Variants in SLAIN2 observed in about 807,000 individuals in gnomAD.
SLAIN2 encodes the protein SLAIN family member 2, also known as SLAIN motif-containing protein 2.
SLAIN2 carries 31 observed loss-of-function variants against 56.6 expected under a neutral mutation model. The observed-to-expected ratio is 0.55, with a 90% CI of 0.41 to 0.74. The LOEUF is 0.74. SLAIN2 is among the 30% of genes least tolerant of loss of function. SLAIN2 has a pLI of 0.00. For synonymous variants in SLAIN2, 317 were observed against 284.9 expected (o/e 1.11, Z -1.13); for missense variants, 777 against 754.2 (o/e 1.03, Z -0.35).
At chr4:48,390,228 C>T (rs1354610122) in intron 6 of SLAIN2, among the ~76,000 whole-genome samples, 1 of 151,922 alleles carries the variant, frequency 6.6e-6, no homozygotes, top group Non-Finnish European at 1.5e-5. Flanking sequence ...CAGGCACGCA[C>T]CACCATGCCT....
rs1241669628 is a variant in SLAIN2, at chr4:48,425,794, A to G, written c.*3717A>G. 6.6e-6 allele frequency: 1 copy of G among 152,180 alleles called. No individual in the cohort carries two copies. Among genetic ancestry groups the G allele is most frequent in the Non-Finnish European group, 1.5e-5 (1 of 68,012 alleles). The allele number at this position is 152,180 out of a possible 1,614,324, so 9.4% of individuals were successfully genotyped here. On this transcript the variant is annotated 3_prime_UTR_variant, in exon 8 of 8. Transcript: ENST00000264313. ...TGATGTATTTTGAATGATCCTAAAT[A>G]TAAGTCTTGGGTGGCTAAATGGCCC...
chr4:48,363,989 C>T (rs1350530711), intron 1 of SLAIN2, among the ~76,000 whole-genome samples: 5 of 124,194 alleles, frequency 4.0e-5, no homozygotes, highest in Admixed American at 7.4e-5. Flanking sequence ...CCCCCCACCT[C>T]CCTCCCGGAC....
rs530722711 is a variant in SLAIN2 at position 48,354,990 on chromosome 4, C to T, written c.389+12862C>T. On this transcript the variant is annotated intron_variant, in intron 1 of 7. Coordinates refer to ENST00000264313, the MANE Select transcript of SLAIN2 (RefSeq NM_020846.2). ...TATCAGCTCACTGCAACCTCCGCCT[C>T]CCGATTTCAAGCGATTCTCCTGCAG... Among the ~76,000 whole-genome samples the T allele has an allele frequency of 2.2e-4, 34 of 152,162 alleles. 1 individual carries two copies. The South Asian group carries it at 3.5e-3, about 16-fold the overall frequency.
chr4:48,386,450 T>C (rs1326949830), intron 6 of SLAIN2, among the ~76,000 whole-genome samples: 1 of 152,224 alleles, frequency 6.6e-6, no homozygotes, highest in East Asian at 1.9e-4. Context: ...TTGTCACATC[T>C]ATGGTTTAGA....
chr4:48,341,985 C>T lies in SLAIN2; in HGVS notation c.246C>T (p.Gly82=), dbSNP rs1453463981. 9 of 1,428,774 alleles carry T rather than the reference C, an allele frequency of 6.3e-6. 1 individual carries two copies. In the South Asian group the frequency reaches 1.4e-4, roughly 21 times the overall value. 88.5% of individuals were successfully genotyped at this position (1,428,774 alleles called of 1,614,324 possible). Residue 82 remains glycine, a synonymous_variant, in exon 1 of 8, where the codon GGC becomes GGT. Coordinates refer to ENST00000264313, the MANE Select transcript of SLAIN2 (RefSeq NM_020846.2). ...SAKSGGGPGS[G]PRRTSSEELR... is the part of the protein sequence containing the mutation. Reference sequence around the variant, plus strand: ...AGTCGGGCGGCGGGCCCGGGTCGGGCCCGAGGCGGACGAGTAGCGAAGAGC... The same window carrying T: ...AGTCGGGCGGCGGGCCCGGGTCGGGTCCGAGGCGGACGAGTAGCGAAGAGC...
At position 48,402,273 on chromosome 4, in the gene SLAIN2, G is replaced by A. The variant is rs574657026; in HGVS notation, c.1361-17852G>A. Among the ~76,000 whole-genome samples, 11 of 151,382 alleles carry A rather than the reference G, an allele frequency of 7.3e-5. No individual in the cohort carries two copies. The East Asian group carries it at 1.7e-3, about 24-fold the overall frequency. ...TGTGTCTTTGGGTTGGTCTTCTTGCGGAGTATCTTACTAGGGTTCTCTGGA... is the reference window on the plus strand; with the variant it reads ...TGTGTCTTTGGGTTGGTCTTCTTGCAGAGTATCTTACTAGGGTTCTCTGGA... On this transcript the variant is annotated intron_variant, in intron 6 of 7. Coordinates refer to ENST00000264313, the MANE Select transcript of SLAIN2 (RefSeq NM_020846.2).
chr4:48,420,279 G>A lies in SLAIN2; in HGVS notation c.1515G>A (p.Met505Ile), dbSNP rs1307946906. 1 of 1,613,876 alleles carries A rather than the reference G, an allele frequency of 6.2e-7. No homozygotes were observed. Among genetic ancestry groups the A allele is most frequent in the Admixed American group, 1.7e-5 (1 of 59,998 alleles). The part of the protein sequence containing the change: ...TQTTSSPGPP[M>I]VQSTVSANPP... ...CCACCTCCTCACCTGGGCCTCCTAT[G>A]GTTCAGAGCACAGTCTCAGCAAATC... Residue 505 changes from methionine (M) to isoleucine (I), a missense_variant, in exon 7 of 8, where the codon ATG (methionine) becomes ATA (isoleucine). Coordinates refer to ENST00000264313, the MANE Select transcript of SLAIN2 (RefSeq NM_020846.2).
rs902037300 is a variant in SLAIN2 at position 48,341,556 on chromosome 4, G to C, written c.-184G>C. On this transcript the variant is annotated 5_prime_UTR_variant, in exon 1 of 8. Coordinates refer to ENST00000264313, the MANE Select transcript of SLAIN2 (RefSeq NM_020846.2). The stretch of plus-strand genomic sequence containing the variant: ...TCCCGGAGCCGGCGCAGATGAGGCA[G>C]TTCGGCTGGGGCCAGCGGCGCTTTG... The C allele has an allele frequency of 3.3e-6, 3 of 897,630 alleles. No individual in the cohort carries two copies. Among genetic ancestry groups the C allele is most frequent in the Non-Finnish European group, 4.6e-6 (3 of 646,436 alleles). 55.6% of individuals were successfully genotyped at this position (897,630 alleles called of 1,614,324 possible).
At chr4:48,352,905 GT>G (rs1168844698) in intron 1 of SLAIN2, among the ~76,000 whole-genome samples, 1 of 152,094 alleles carries the variant, frequency 6.6e-6, no homozygotes, top group Non-Finnish European at 1.5e-5. Context: ...CTCATGGGGC[GT>G]TTTCCCCTAT....
At chr4:48,413,649 A>G (rs898616873) in intron 6 of SLAIN2, among the ~76,000 whole-genome samples, 3 of 152,206 alleles carry the variant, frequency 2.0e-5, no homozygotes, top group African/African-American at 4.8e-5. Context: ...ATTTGTTAAT[A>G]ATGGAATTCA....
rs1008824417 is a variant in SLAIN2 at position 48,423,992 on chromosome 4, C to CAA, written c.*1920_*1921dup. The CAA allele has an allele frequency of 6.6e-6, 1 of 151,958 alleles. No homozygotes were observed. The highest frequency in any genetic ancestry group is 2.4e-5 in the African/African-American group (1 of 41,390). The allele number at this position is 151,958 out of a possible 1,614,324, so 9.4% of individuals were successfully genotyped here. A position where few individuals can be genotyped will look rare whatever the true frequency, so the allele number is the denominator to read the frequency against. On this transcript the variant is annotated 3_prime_UTR_variant, in exon 8 of 8. Transcript: ENST00000264313. ...AGTCTCAGTTTTCAGTGCAACATTT[C>CAA]AAAAAATATATATGCTGCAATCTAA...
At chr4:48,419,819 C>A (rs1717099557) in intron 6 of SLAIN2, among the ~76,000 whole-genome samples, 1 of 152,308 alleles carries the variant, frequency 6.6e-6, no homozygotes, top group Non-Finnish European at 1.5e-5. Flanking sequence ...ATGTGGCCCA[C>A]ATTAGTTGCT....
At chr4:48,413,817 C>T (rs922949293) in intron 6 of SLAIN2, among the ~76,000 whole-genome samples, 1 of 152,112 alleles carries the variant, frequency 6.6e-6, no homozygotes, top group African/African-American at 2.4e-5. Context: ...TCTGTGAAGA[C>T]AACTTGGAAT....
intron 6 of SLAIN2, among the ~76,000 whole-genome samples, chr4:48,392,256 TG>T (rs1716253102): frequency 6.6e-6 from 1 of 152,216 alleles, no homozygotes; most frequent in Non-Finnish European, 1.5e-5. Context: ...TGCCTGATTC[TG>T]TGTGTAATCT....
At chr4:48,364,886 G>C (rs543907092) in intron 1 of SLAIN2, among the ~76,000 whole-genome samples, 1 of 144,218 alleles carries the variant, frequency 6.9e-6, no homozygotes, top group Non-Finnish European at 1.5e-5. Flanking sequence ...GAGGGGGAGG[G>C]GGAGGGGGAG....
intron 6 of SLAIN2, among the ~76,000 whole-genome samples, chr4:48,407,247 G>T (rs1227005350): frequency 1.3e-5 from 2 of 151,700 alleles, no homozygotes; most frequent in African/African-American, 4.8e-5. Context: ...TGTGTATATT[G>T]ACTCTTATGT....
At chr4:48,368,047 G>T (rs1228415723) in intron 1 of SLAIN2, among the ~76,000 whole-genome samples, 2 of 34,570 alleles carry the variant, frequency 5.8e-5, no homozygotes, top group Non-Finnish European at 9.4e-5. Flanking sequence ...TAGTGTTTTT[G>T]AGGCTTTTTT....
chr4:48,374,279 C>T (rs1715746718), intron 2 of SLAIN2, among the ~76,000 whole-genome samples: 1 of 152,004 alleles, frequency 6.6e-6, no homozygotes, highest in Non-Finnish European at 1.5e-5. Flanking sequence ...CTCTGTTGCC[C>T]AGGCTGGAGT....
In SLAIN2 at chr4:48,382,706, C is replaced by T; in HGVS notation, c.1001C>T (p.Ala334Val). 2 of 1,613,722 alleles carry T rather than the reference C, an allele frequency of 1.2e-6. No individual in the cohort carries two copies. Among genetic ancestry groups the T allele is most frequent in the South Asian group, 1.1e-5 (1 of 91,072 alleles). Residue 334 changes from alanine to valine, a missense_variant, in exon 5 of 8, where the codon GCA (alanine) becomes GTA (valine). By Grantham distance (64) the Ala-to-Val change is moderately conservative. Transcript: ENST00000264313. Reference sequence around the variant, plus strand: ...GATGAAGATGACAATATGCATCATGCAGTATACCCTGCTGTTAACAGGTTT... The same window carrying T: ...GATGAAGATGACAATATGCATCATGTAGTATACCCTGCTGTTAACAGGTTT... ...LDDEDDNMHH[A>V]VYPAVNRFSP...
Sources: gnomAD v4.1 joint callset for allele counts (sites outside exome capture counted in the v4.1 genomes callset) on GRCh38, gnomAD v4.1.1 for gene constraint, MANE v1.5 for transcripts, NCBI Gene and HGNC (gene_info 2026-07-23, HGNC 2026-07-21) for gene names.